CEP112: variants seen among roughly 807,000 people sequenced by gnomAD.
CEP112 encodes the protein centrosomal protein 112, also known as centrosomal protein of 112 kDa.
CEP112 carries 127 observed loss-of-function variants against 153.0 expected under a neutral mutation model. The ratio of observed to expected loss-of-function variants is 0.83; its 90% CI spans 0.72 to 0.96. The LOEUF is 0.96. Among genes scored for constraint, CEP112 ranks in the 40% least tolerant of loss-of-function variants. CEP112 has a pLI of 0.00. For missense variants in CEP112, 1,089 were observed against 1,101.2 expected (o/e 0.99, Z 0.16); for synonymous variants, 358 against 374.4 (o/e 0.96, Z 0.51).
intron 17 of CEP112, among the ~76,000 whole-genome samples, chr17:66,003,890 C>G (rs1407934299): frequency 6.6e-6 from 1 of 152,138 alleles, no homozygotes; most frequent in Non-Finnish European, 1.5e-5. Context: ...CATTCCCCAC[C>G]CACCCCCTAT....
intron 21 of CEP112, among the ~76,000 whole-genome samples, chr17:65,811,820 C>G (rs1246707527): frequency 6.6e-6 from 1 of 152,032 alleles, no homozygotes; most frequent in Non-Finnish European, 1.5e-5. Flanking sequence ...CTATTTAGAA[C>G]CGAAAACTAA....
intron 23 of CEP112, among the ~76,000 whole-genome samples, chr17:65,703,341 T>C (rs766855239): frequency 1.3e-5 from 2 of 151,944 alleles, no homozygotes; most frequent in African/African-American, 2.4e-5. Context: ...TGAAACCCTG[T>C]CTCTACTAAA....
intron 17 of CEP112, among the ~76,000 whole-genome samples, chr17:65,980,150 T>A (rs2145124437): frequency 1.3e-5 from 2 of 152,320 alleles, no homozygotes; most frequent in Admixed American, 1.3e-4. Flanking sequence ...CGTTTTCATT[T>A]TTCACTAAGA....
intron 19 of CEP112, among the ~76,000 whole-genome samples, chr17:65,908,837 T>C (rs1169203576): frequency 6.6e-6 from 1 of 152,210 alleles, no homozygotes; most frequent in Admixed American, 6.5e-5. Context: ...GAAATCCTTC[T>C]ACAGCTTGAT....
At chr17:65,821,934 T>A (rs913652430) in intron 21 of CEP112, among the ~76,000 whole-genome samples, 1 of 152,038 alleles carries the variant, frequency 6.6e-6, no homozygotes, top group Non-Finnish European at 1.5e-5. Flanking sequence ...AAAAGCTTTT[T>A]TAAAACCAAT....
At chr17:65,941,079 C>T (rs972571924) in intron 18 of CEP112, among the ~76,000 whole-genome samples, 85 of 151,894 alleles carry the variant, frequency 5.6e-4, no homozygotes, top group Non-Finnish European at 2.9e-4. Flanking sequence ...TCAAAAAAAT[C>T]TCTTAAGGAT....
At position 65,743,135 on chromosome 17, in the gene CEP112, T is replaced by G. The variant is rs1274379119; in HGVS notation, c.2540A>C (p.Gln847Pro). 1.9e-6 allele frequency: 3 copies of G among 1,613,052 alleles called. No homozygotes were observed. Among genetic ancestry groups the G allele is most frequent in the Non-Finnish European group, 2.5e-6 (3 of 1,179,558 alleles). ...ATCTTCAAACTTTTGTCTAACATCC[T>G]GGAGCCGCCTTTCTGCAGCAAGCTG... ...QQQLAAERRL[Q>P]DVRQKFEDEK... The change falls in exon 23 of 27, where the codon CAG becomes CCG. Residue 847 changes from glutamine to proline, a missense_variant. Coordinates refer to ENST00000535342, the MANE Select transcript of CEP112 (RefSeq NM_001199165.4).
chr17:65,850,410 C>G (rs1275456067), intron 21 of CEP112, among the ~76,000 whole-genome samples: 1 of 152,092 alleles, frequency 6.6e-6, no homozygotes, highest in Non-Finnish European at 1.5e-5. Flanking sequence ...TTCCCACCCC[C>G]CAGCATATTC....
At position 65,864,273 on chromosome 17, in the gene CEP112, T is replaced by C. The variant is rs181678539; in HGVS notation, c.2164-12239A>G. On this transcript the variant is annotated intron_variant, in intron 20 of 26. Coordinates refer to ENST00000535342, the MANE Select transcript of CEP112 (RefSeq NM_001199165.4). Reference sequence around the variant, plus strand: ...CTATCCATTACCTCTTCGAGTCATATTTTAAGATGCTGGGTTGTCTATGTT... The same window carrying C: ...CTATCCATTACCTCTTCGAGTCATACTTTAAGATGCTGGGTTGTCTATGTT... Among the ~76,000 whole-genome samples the C allele has an allele frequency of 2.0e-5, 3 of 152,312 alleles. No homozygotes were observed. In the East Asian group the frequency reaches 5.8e-4, roughly 29 times the overall value.
intron 1 of CEP112, among the ~76,000 whole-genome samples, chr17:66,184,524 C>T (rs1410643738): frequency 6.6e-6 from 1 of 152,148 alleles, no homozygotes; most frequent in African/African-American, 2.4e-5. Context: ...TGACAAGATG[C>T]TCAATATCAT....
At chr17:65,695,113 G>T (rs899235476) in intron 23 of CEP112, among the ~76,000 whole-genome samples, 5 of 152,200 alleles carry the variant, frequency 3.3e-5, no homozygotes, top group African/African-American at 9.6e-5. Context: ...CTTTCAGAGT[G>T]CTTTCTGCTG....
chr17:66,115,425 CT>C (rs1291860147), intron 6 of CEP112, among the ~76,000 whole-genome samples: 3 of 152,232 alleles, frequency 2.0e-5, no homozygotes, highest in Admixed American at 6.5e-5. Flanking sequence ...GAGTCAGCAA[CT>C]TGGGCAGCTC....
intron 21 of CEP112, among the ~76,000 whole-genome samples, chr17:65,848,258 C>T (rs944463743): frequency 2.0e-5 from 3 of 152,182 alleles, no homozygotes; most frequent in Non-Finnish European, 2.9e-5. Context: ...CCAGACTTAT[C>T]TTTTGAAACC....
intron 19 of CEP112, among the ~76,000 whole-genome samples, chr17:65,904,201 C>A (rs538770656): frequency 6.6e-6 from 1 of 152,292 alleles, no homozygotes; most frequent in Admixed American, 6.5e-5. Flanking sequence ...ATTTGGAAAA[C>A]CCCATCGTCT....
At chr17:65,674,431 A>G (rs2047129481) in intron 24 of CEP112, among the ~76,000 whole-genome samples, 1 of 152,228 alleles carries the variant, frequency 6.6e-6, no homozygotes, top group Non-Finnish European at 1.5e-5. Flanking sequence ...GCCTTTGCCA[A>G]TTCTAGAGTG....
intron 21 of CEP112, among the ~76,000 whole-genome samples, chr17:65,772,575 T>TACACACACACACACAC (rs34758953): frequency 1.5e-5 from 2 of 133,412 alleles, no homozygotes; most frequent in Non-Finnish European, 3.1e-5. Flanking sequence ...CTCTATTTAT[T>TACACACACACACACAC]ACACACACAC....
intron 8 of CEP112, among the ~76,000 whole-genome samples, chr17:66,089,415 A>C (rs1184953595): frequency 1.3e-5 from 2 of 152,242 alleles, no homozygotes; most frequent in African/African-American, 4.8e-5. Context: ...AGTGAGCTTC[A>C]AGAAAATACA....
intron 2 of CEP112, chr17:66,182,150 G>A (rs1249802920): frequency 6.6e-6 from 1 of 152,132 alleles, no homozygotes; most frequent in African/African-American, 2.4e-5. Context: ...AAATAGGTGA[G>A]CACAATACAA....
intron 24 of CEP112, among the ~76,000 whole-genome samples, chr17:65,687,624 G>C (rs759990692): frequency 3.9e-4 from 60 of 152,088 alleles, no homozygotes; most frequent in Admixed American, 6.6e-4. Context: ...ATATGACACA[G>C]AGTTCATTAG....
Sources: gnomAD v4.1 joint callset for allele counts (sites outside exome capture counted in the v4.1 genomes callset) on GRCh38, gnomAD v4.1.1 for gene constraint, MANE v1.5 for transcripts, NCBI Gene and HGNC (gene_info 2026-07-23, HGNC 2026-07-21) for gene names.